FCHO2: variants seen among roughly 807,000 people sequenced by gnomAD.
The protein encoded by FCHO2 is FCH and mu domain containing endocytic adaptor 2.
In FCHO2, 43 loss-of-function variants were observed where a neutral mutation model predicts 114.1. The observed-to-expected ratio is 0.38, with a 90% CI of 0.30 to 0.49. The LOEUF (loss-of-function observed/expected upper bound fraction) is 0.49. Among genes scored for constraint, FCHO2 ranks in the 20% least tolerant of loss-of-function variants. The pLI is 0.97. For missense variants in FCHO2, 807 were observed against 950.4 expected, an observed-to-expected ratio of 0.85 and a Z score of 1.98; for synonymous variants, 293 against 315.2, an observed-to-expected ratio of 0.93 and a Z score of 0.75.
At chr5:72,956,223 C>T in intron 1 of FCHO2, 94 bp downstream of exon 1, 1 of 1,332,164 alleles carries the variant, frequency 7.5e-7, no homozygotes, top group Non-Finnish European at 1.0e-6. Flanking sequence ...CGGCGGCGGC[C>T]CCTCCGGCAG....
intron 13 of FCHO2, among the ~76,000 whole-genome samples, chr5:73,053,650 T>C (rs62362198): frequency 0.3 from 44,942 of 150,474 alleles, 6,904 homozygotes; most frequent in East Asian, 0.44. Flanking sequence ...GAGCCGAGAT[T>C]GCACCACTGC....
At chr5:73,056,604 C>A (rs1033536308) in intron 16 of FCHO2, among the ~76,000 whole-genome samples, 1 of 151,966 alleles carries the variant, frequency 6.6e-6, no homozygotes, top group Non-Finnish European at 1.5e-5. Context: ...AAAATTATTT[C>A]TCGCTTGGTA....
At chr5:73,045,344 A>G (rs1044438020) in intron 11 of FCHO2, among the ~76,000 whole-genome samples, 2 of 152,194 alleles carry the variant, frequency 1.3e-5, no homozygotes, top group African/African-American at 2.4e-5. Flanking sequence ...TGTAAGTGAA[A>G]TCATACAATA....
intron 12 of FCHO2, 73 bp downstream of exon 12, chr5:73,051,479 A>G (rs1278127057): frequency 1.1e-6 from 1 of 890,148 alleles, no homozygotes; most frequent in Non-Finnish European, 1.7e-6. Flanking sequence ...AAAATCATGT[A>G]TTAAAGCCTC....
In FCHO2 at chr5:73,047,779, G is replaced by A. The variant is rs369484565; in HGVS notation, c.940-3570G>A. ...ACCTAATACAATGTAAATGGATATTGTAAATAGTTGTTTTACTGTGTTTTT... is the reference window on the plus strand; with the variant it reads ...ACCTAATACAATGTAAATGGATATTATAAATAGTTGTTTTACTGTGTTTTT... On this transcript the variant is annotated intron_variant, in intron 11 of 25. Transcript: ENST00000430046. Among the ~76,000 whole-genome samples, 7 of 152,146 alleles carry A rather than the reference G, an allele frequency of 4.6e-5. No homozygotes were observed. The South Asian group carries it at 1.5e-3, about 32-fold the overall frequency.
intron 21 of FCHO2, 87 bp downstream of exon 21, chr5:73,077,580 A>C: frequency 1.4e-6 from 2 of 1,394,216 alleles, no homozygotes; most frequent in Non-Finnish European, 9.5e-7. Flanking sequence ...CTGTAATCCC[A>C]GCAGTTTGGG....
chr5:73,063,973 T>C, intron 18 of FCHO2, 29 bp downstream of exon 18: 1 of 1,542,454 alleles, frequency 6.5e-7, no homozygotes, highest in Non-Finnish European at 8.8e-7. Flanking sequence ...TAAAAATTAT[T>C]TAACTGTTTT....
intron 24 of FCHO2, among the ~76,000 whole-genome samples, chr5:73,085,774 CAAAAAATAAATAAATA>C (rs1743282052): frequency 7.4e-6 from 1 of 135,654 alleles, no homozygotes; most frequent in African/African-American, 2.8e-5. Flanking sequence ...GACTCTGTCT[CAAAAAATAAATAAATA>C]AATAAATAAA....
intron 8 of FCHO2, 64 bp from the exon 9 acceptor site, chr5:73,034,593 A>C: frequency 1.5e-6 from 2 of 1,323,060 alleles, no homozygotes; most frequent in Non-Finnish European, 2.1e-6. Flanking sequence ...ATGTAAAAAA[A>C]AAGTTTTAAA....
At chr5:72,959,302 T>C (rs1448170583) in intron 1 of FCHO2, among the ~76,000 whole-genome samples, 2 of 152,146 alleles carry the variant, frequency 1.3e-5, no homozygotes, top group African/African-American at 2.4e-5. Flanking sequence ...AGCCCAAGAA[T>C]TGGAGACCAG....
chr5:72,966,431 C>G (rs987422388), intron 1 of FCHO2, among the ~76,000 whole-genome samples: 1 of 152,154 alleles, frequency 6.6e-6, no homozygotes, highest in South Asian at 2.1e-4. Flanking sequence ...ATTACAGGCA[C>G]AAGCCTCTGA....
chr5:73,003,718 G>A (rs2112707667), intron 5 of FCHO2, among the ~76,000 whole-genome samples: 1 of 152,090 alleles, frequency 6.6e-6, no homozygotes, highest in South Asian at 2.1e-4. Flanking sequence ...TTTCAGTAGG[G>A]TTACATCATT....
intron 5 of FCHO2, among the ~76,000 whole-genome samples, chr5:73,005,254 T>A (rs928895055): frequency 3.3e-5 from 5 of 152,164 alleles, no homozygotes; most frequent in Non-Finnish European, 7.4e-5. Flanking sequence ...CTCTTTGTAG[T>A]TTTTTGTTTT....
At chr5:73,050,071 A>G (rs756381412) in intron 11 of FCHO2, among the ~76,000 whole-genome samples, 1 of 152,122 alleles carries the variant, frequency 6.6e-6, no homozygotes, top group African/African-American at 2.4e-5. Flanking sequence ...ATCTTAGCCA[A>G]AAGGCCAAGA....
intron 2 of FCHO2, among the ~76,000 whole-genome samples, chr5:72,968,938 A>G (rs1752357334): frequency 6.6e-6 from 1 of 152,176 alleles, no homozygotes; most frequent in Admixed American, 6.5e-5. Context: ...AGAAAAGACT[A>G]ACTTTTCTGA....
At chr5:72,983,128 G>T (rs1241080224) in intron 2 of FCHO2, among the ~76,000 whole-genome samples, 1 of 151,944 alleles carries the variant, frequency 6.6e-6, no homozygotes, top group Non-Finnish European at 1.5e-5. Context: ...TATCCAGGAT[G>T]GTCTCGATCT....
rs762347449 is a variant in FCHO2, at chr5:72,999,378, CTTT to C, written c.496-7047_496-7045del. ...TTATCTCATTCACTCATTCACAGGC[CTTT>C]TTTTTTTTTTTTTTTTTTTAAGATG... On this transcript the variant is annotated intron_variant, in intron 5 of 25. Coordinates refer to ENST00000430046, the MANE Select transcript of FCHO2 (RefSeq NM_138782.3). Among the ~76,000 whole-genome samples, 131 of 100,522 alleles carry C rather than the reference CTTT, an allele frequency of 1.3e-3. 1 individual carries two copies. The highest frequency in any genetic ancestry group is 4.3e-3 in the African/African-American group (94 of 21,846). The allele number at this position is 100,522 out of a possible 152,430, so 65.9% of individuals were successfully genotyped here.
intron 7 of FCHO2, among the ~76,000 whole-genome samples, 193 bp from the exon 8 acceptor site, chr5:73,017,019 G>C (rs1353804302): frequency 1.3e-5 from 2 of 152,146 alleles, no homozygotes; most frequent in Non-Finnish European, 2.9e-5. Context: ...TGTGTTAAGG[G>C]GTTAATGTAA....
At chr5:73,081,615 G>T (rs1743093206) in intron 22 of FCHO2, among the ~76,000 whole-genome samples, 168 bp from the exon 23 acceptor site, 1 of 152,196 alleles carries the variant, frequency 6.6e-6, no homozygotes, top group South Asian at 2.1e-4. Flanking sequence ...CCCACATTGA[G>T]AATGATCCTT....
Sources: gnomAD v4.1 joint callset for allele counts (sites outside exome capture counted in the v4.1 genomes callset) on GRCh38, gnomAD v4.1.1 for gene constraint, MANE v1.5 for transcripts, NCBI Gene and HGNC (gene_info 2026-07-23, HGNC 2026-07-21) for gene names.